The following SNX25 variants were observed in gnomAD, a reference collection of about 807,000 sequenced individuals.
SNX25 encodes the protein sorting nexin 25, also known as sorting nexin-25.
SNX25 carries 62 observed loss-of-function variants against 113.7 expected under a neutral mutation model. The observed-to-expected ratio is 0.55, with a 90% CI of 0.44 to 0.67. SNX25 has a LOEUF of 0.67. Among genes scored for constraint, SNX25 ranks in the 30% least tolerant of loss-of-function variants. The probability of loss-of-function intolerance (pLI) is 0.00; values close to 1 mark genes in which losing one functional copy is unlikely to be tolerated. For synonymous variants in SNX25, 421 were observed against 436.2 expected (o/e 0.97, Z 0.43); for missense variants, 1,014 against 1,161.0 (o/e 0.87, Z 1.84).
chr4:185,323,491 A>G, intron 8 of SNX25, 37 bp from the exon 9 acceptor site: 1 of 1,563,270 alleles, frequency 6.4e-7, no homozygotes, highest in Non-Finnish European at 8.7e-7. Context: ...CTCAGAGATG[A>G]TATGTCTTAC....
At chr4:185,288,127 G>A in intron 6 of SNX25, 45 bp downstream of exon 6, 1 of 1,519,482 alleles carries the variant, frequency 6.6e-7, no homozygotes, top group Non-Finnish European at 9.1e-7. Flanking sequence ...TGAAAGGTCA[G>A]CTTGATCCCC....
intron 10 of SNX25, among the ~76,000 whole-genome samples, chr4:185,337,080 A>C (rs2095234993): frequency 6.6e-6 from 1 of 152,176 alleles, no homozygotes; most frequent in African/African-American, 2.4e-5. Flanking sequence ...TTGGATGTAT[A>C]GATCATGAAG....
chr4:185,259,088 C>T (rs1402301153), intron 3 of SNX25, 24 bp downstream of exon 3: 3 of 1,585,996 alleles, frequency 1.9e-6, no homozygotes, highest in Non-Finnish European at 2.6e-6. Flanking sequence ...GCAACTTACC[C>T]CCTTTTTTGC....
At chr4:185,370,573 T>C, downstream of SNX25, 1 of 1,523,172 alleles carries the variant, frequency 6.6e-7, no homozygotes, top group Admixed American at 1.8e-5. Flanking sequence ...CGTAAAACTA[T>C]TCAAGTTGCA....
intron 15 of SNX25, 80 bp from the exon 16 acceptor site, chr4:185,357,591 T>C: frequency 8.7e-7 from 1 of 1,154,942 alleles, no homozygotes; most frequent in Non-Finnish European, 1.3e-6. Context: ...AGTGGTAAGA[T>C]TTATGCTTTG....
intron 5 of SNX25, among the ~76,000 whole-genome samples, chr4:185,280,101 T>C (rs2126587960): frequency 6.6e-6 from 1 of 152,300 alleles, no homozygotes; most frequent in Non-Finnish European, 1.5e-5. Context: ...GGATAATTTT[T>C]GTATTTTCTG....
Position 185,319,382 on chromosome 4 carries a change from A to G in SNX25, c.1345-1351A>G, listed in dbSNP as rs570895278. On this transcript the variant is annotated intron_variant, in intron 7 of 18. Coordinates refer to ENST00000652585, the MANE Select transcript of SNX25 (RefSeq NM_001378034.2). ...CCAGCTAATTTTTTTTATTTTTAGT[A>G]GAGACGGGGTTTCTCCGTGTTGGTC... Among the ~76,000 whole-genome samples, 3 of 149,452 alleles carry G rather than the reference A, an allele frequency of 2.0e-5. No homozygotes were observed. In the East Asian group the frequency reaches 5.9e-4, roughly 29 times the overall value.
chr4:185,377,499 CA>C, the SNX25 span: 1 of 167,090 alleles, frequency 6.0e-6, no homozygotes, highest in Non-Finnish European at 1.3e-5. Context: ...GCCTGGGCAA[CA>C]AGAGCGAAAC....
intron 5 of SNX25, among the ~76,000 whole-genome samples, chr4:185,279,881 T>C (rs1179468373): frequency 6.6e-6 from 1 of 152,110 alleles, no homozygotes; most frequent in African/African-American, 2.4e-5. Flanking sequence ...TAGTTTTTGT[T>C]GTTGTTGTTT....
At chr4:185,208,840 T>G (rs1309404863), upstream of SNX25, among the ~76,000 whole-genome samples, 2 of 152,252 alleles carry the variant, frequency 1.3e-5, no homozygotes, top group African/African-American at 4.8e-5. Context: ...TGCCAGTGTT[T>G]AAGTAGCATA....
At chr4:185,376,797 T>G in the SNX25 span, 1 of 699,846 alleles carries the variant, frequency 1.4e-6, no homozygotes, top group Non-Finnish European at 2.5e-6. Flanking sequence ...GTCGATGTAA[T>G]TGGACAGAAT....
intron 1 of SNX25, among the ~76,000 whole-genome samples, chr4:185,218,547 C>T (rs1212637139): frequency 1.3e-5 from 2 of 152,226 alleles, no homozygotes; most frequent in Non-Finnish European, 2.9e-5. Context: ...ACTCAGCAGC[C>T]ACTCTAGGCA....
chr4:185,279,518 A>ACTTCCC (rs138730697), intron 5 of SNX25, among the ~76,000 whole-genome samples: 3,408 of 152,296 alleles, frequency 0.022, 105 homozygotes, highest in African/African-American at 0.069. Flanking sequence ...AACTTAAAAT[A>ACTTCCC]CTATTTTACT....
intron 13 of SNX25, among the ~76,000 whole-genome samples, 195 bp downstream of exon 13, chr4:185,346,845 C>T (rs568741013): frequency 2.6e-5 from 4 of 152,212 alleles, no homozygotes; most frequent in East Asian, 1.9e-4. Flanking sequence ...TAACTGTCTC[C>T]GTTTCACAAA....
chr4:185,308,784 T>G (rs1754845929), intron 6 of SNX25, among the ~76,000 whole-genome samples: 2 of 152,122 alleles, frequency 1.3e-5, no homozygotes, highest in African/African-American at 4.8e-5. Flanking sequence ...CAGTTGTGTC[T>G]AGGATTATTT....
At chr4:185,354,323 G>A (rs1383679432) in intron 15 of SNX25, among the ~76,000 whole-genome samples, 1 of 152,140 alleles carries the variant, frequency 6.6e-6, no homozygotes, top group Non-Finnish European at 1.5e-5. Context: ...GGCCAAGGAC[G>A]TGGGAATGCC....
intron 2 of SNX25, among the ~76,000 whole-genome samples, chr4:185,258,384 T>A (rs972477211): frequency 1.3e-5 from 2 of 152,172 alleles, no homozygotes; most frequent in Non-Finnish European, 2.9e-5. Context: ...CTCCTCCAGT[T>A]GCCCTCCAGC....
intron 6 of SNX25, among the ~76,000 whole-genome samples, chr4:185,305,247 G>A (rs1754300625): frequency 6.6e-6 from 1 of 152,192 alleles, no homozygotes; most frequent in South Asian, 2.1e-4. Flanking sequence ...CCACAGCTGA[G>A]AACTACCCTG....
At chr4:185,374,130 G>A (rs761062106), downstream of SNX25, 13 of 1,609,370 alleles carry the variant, frequency 8.1e-6, no homozygotes, top group South Asian at 6.6e-5. Flanking sequence ...AAGAGGGAAC[G>A]TTACCTTTTC....
Sources: allele counts gnomAD v4.1 joint callset (sites outside exome capture counted in the v4.1 genomes callset), GRCh38; gene constraint gnomAD v4.1.1; transcripts MANE v1.5; gene names NCBI Gene and HGNC (gene_info 2026-07-23, HGNC 2026-07-21).